The following DNAAF4 variants were observed in gnomAD, a reference collection of about 807,000 sequenced individuals.
DNAAF4 encodes dynein assembly factor 4, axonemal.
DNAAF4 carries 43 observed loss-of-function variants against 51.8 expected under a neutral mutation model. The ratio of observed to expected loss-of-function variants is 0.83; its 90% CI spans 0.65 to 1.07. The LOEUF (loss-of-function observed/expected upper bound fraction) is 1.07. DNAAF4 is among the 50% of genes least tolerant of loss of function. The pLI is 0.00. For synonymous variants in DNAAF4, 194 were observed against 165.6 expected (o/e 1.17, Z -1.32); for missense variants, 581 against 493.0 (o/e 1.18, Z -1.69).
At chr15:55,449,138 T>A (rs1270302438) in intron 6 of DNAAF4, among the ~76,000 whole-genome samples, 1 of 150,278 alleles carries the variant, frequency 6.7e-6, no homozygotes, top group Non-Finnish European at 1.5e-5. Flanking sequence ...TACAGGTGCC[T>A]GCCACCACAC....
chr15:55,443,137 C>T, intron 6 of DNAAF4: 2 of 1,610,636 alleles, frequency 1.2e-6, no homozygotes, highest in Non-Finnish European at 1.7e-6. Context: ...CAAACGTTTC[C>T]AGGAGCCGTC....
intron 4 of DNAAF4, among the ~76,000 whole-genome samples, chr15:55,475,895 C>T (rs1226494392): frequency 1.3e-5 from 2 of 152,038 alleles, no homozygotes; most frequent in Non-Finnish European, 2.9e-5. Flanking sequence ...AGGATAAGTG[C>T]TTAAGCAGTC....
In DNAAF4 at chr15:55,430,311, T is replaced by C. The variant is rs2057473966; in HGVS notation, c.*359A>G. 3 of 847,698 alleles carry C rather than the reference T, an allele frequency of 3.5e-6. No individual in the cohort carries two copies. Among genetic ancestry groups the C allele is most frequent in the Non-Finnish European group, 4.3e-6 (3 of 704,002 alleles). 52.5% of individuals were successfully genotyped at this position (847,698 alleles called of 1,614,324 possible). On this transcript the variant is annotated 3_prime_UTR_variant, in exon 10 of 10. Coordinates refer to ENST00000321149, the MANE Select transcript of DNAAF4 (RefSeq NM_130810.4). ...GGTATATTAATACAAACAAAAGTTATTTATAAATCTTTTATTTTAAAATTC... is the reference window on the plus strand; with the variant it reads ...GGTATATTAATACAAACAAAAGTTACTTATAAATCTTTTATTTTAAAATTC...
chr15:55,468,043 C>G (rs1595925599), intron 4 of DNAAF4, among the ~76,000 whole-genome samples: 1 of 152,158 alleles, frequency 6.6e-6, no homozygotes. Context: ...ATAGTAGCCA[C>G]TAGCCACAGG....
chr15:55,432,585 C>A lies in DNAAF4; in HGVS notation c.1065G>T (p.Met355Ile). 5 of 1,611,388 alleles carry A rather than the reference C, an allele frequency of 3.1e-6. No individual in the cohort carries two copies. The highest frequency in any genetic ancestry group is 4.2e-6 in the Non-Finnish European group (5 of 1,178,258). Residue 355 changes from methionine (M) to isoleucine (I), a missense_variant, in exon 9 of 10, where the codon ATG becomes ATT. Physicochemically the swap from Met to Ile is conservative, Grantham distance 10. Transcript: ENST00000321149. ...EDSSKALELL[M>I]PPVTDNANAR... ...CATTAGCATTGTCTGTAACAGGTGG[C>A]ATCAATAATTCCAGTGCCTTACAAA...
Position 55,497,872 on chromosome 15 carries a change from G to A in DNAAF4, c.124-13C>T, listed in dbSNP as rs1372952577. 6.3e-7 allele frequency: 1 copy of A among 1,581,946 alleles called. No individual in the cohort carries two copies. Among genetic ancestry groups the A allele is most frequent in the Non-Finnish European group, 8.6e-7 (1 of 1,165,998 alleles). Reference sequence around the variant, plus strand: ...GAGGAAAGTTGACCTATGCAGAAGGGTGAAAACAGAAACTAAGTTAGTTAC... The same window carrying A: ...GAGGAAAGTTGACCTATGCAGAAGGATGAAAACAGAAACTAAGTTAGTTAC... On this transcript the variant is annotated splice_polypyrimidine_tract_variant and intron_variant, in intron 2 of 9. Transcript: ENST00000321149.
chr15:55,475,128 G>A (rs193148304), intron 4 of DNAAF4, among the ~76,000 whole-genome samples: 97 of 152,214 alleles, frequency 6.4e-4, no homozygotes, highest in African/African-American at 2.2e-3. Flanking sequence ...ATGTTGATGC[G>A]CTGCAAATTT....
At chr15:55,480,329 G>C (rs570995722) in intron 4 of DNAAF4, among the ~76,000 whole-genome samples, 2 of 152,080 alleles carry the variant, frequency 1.3e-5, no homozygotes, top group East Asian at 3.9e-4. Context: ...ACTGGGGGTG[G>C]GATCCCCCGA....
chr15:55,485,319 T>TCCC lies in DNAAF4; in HGVS notation c.405+5803_405+5804insGGG, dbSNP rs2058472219. On this transcript the variant is annotated intron_variant, in intron 4 of 9. Transcript: ENST00000321149. Reference sequence around the variant, plus strand: ...TTTTAAATGCCAGAATCATGAAAGTTATTATCATAAAATAGAATAAAATGG... The same window carrying TCCC: ...TTTTAAATGCCAGAATCATGAAAGTTCCCATTATCATAAAATAGAATAAAATGG... 1.1e-4 allele frequency among the ~76,000 whole-genome samples: 16 copies of TCCC among 152,358 alleles called. 1 individual carries two copies. Among genetic ancestry groups the TCCC allele is most frequent in the Admixed American group, 7.2e-4 (11 of 15,306 alleles).
chr15:55,465,771 G>A (rs979812661), intron 5 of DNAAF4, among the ~76,000 whole-genome samples: 1 of 151,932 alleles, frequency 6.6e-6, no homozygotes, highest in Non-Finnish European at 1.5e-5. Flanking sequence ...TCTCCATATT[G>A]GTCAGACTGG....
intron 5 of DNAAF4, among the ~76,000 whole-genome samples, chr15:55,454,166 T>A (rs2057981700): frequency 6.6e-6 from 1 of 151,412 alleles, no homozygotes; most frequent in Non-Finnish European, 1.5e-5. Context: ...CTTGGTGTGG[T>A]GGTGCACATC....
chr15:55,443,299 G>T, intron 6 of DNAAF4: 1 of 1,401,460 alleles, frequency 7.1e-7, no homozygotes, highest in South Asian at 1.2e-5. Flanking sequence ...CCTGCCTACC[G>T]GTGGCGGCTG....
At chr15:55,469,697 A>G (rs1353361077) in intron 4 of DNAAF4, among the ~76,000 whole-genome samples, 4 of 151,432 alleles carry the variant, frequency 2.6e-5, no homozygotes, top group African/African-American at 4.8e-5. Flanking sequence ...TCACTGTGTT[A>G]GCCAGGATGG....
At chr15:55,420,342 C>CTG (rs906675085) in intron 7 of DNAAF4, among the ~76,000 whole-genome samples, 3 of 142,016 alleles carry the variant, frequency 2.1e-5, no homozygotes, top group African/African-American at 9.1e-5. Flanking sequence ...TTTGATTCTA[C>CTG]TACACACAGA....
At chr15:55,474,856 G>A (rs908894022) in intron 4 of DNAAF4, among the ~76,000 whole-genome samples, 15 of 151,930 alleles carry the variant, frequency 9.9e-5, no homozygotes, top group Non-Finnish European at 1.5e-4. Context: ...GGCGCACGCC[G>A]TAATCCCAGC....
intron 6 of DNAAF4, among the ~76,000 whole-genome samples, chr15:55,447,666 C>T (rs1054382816): frequency 6.7e-6 from 1 of 149,122 alleles, no homozygotes; most frequent in Non-Finnish European, 1.5e-5. Context: ...CAATCCCAAG[C>T]AGTCGGCAGG....
downstream of DNAAF4, among the ~76,000 whole-genome samples, chr15:55,428,254 T>C (rs577321405): frequency 6.6e-6 from 1 of 152,210 alleles, no homozygotes; most frequent in South Asian, 2.1e-4. Context: ...ATGCCCAGCA[T>C]AAACTATAAT....
chr15:55,464,056 T>G (rs867840493), intron 5 of DNAAF4, among the ~76,000 whole-genome samples: 9 of 152,160 alleles, frequency 5.9e-5, no homozygotes, highest in African/African-American at 1.9e-4. Flanking sequence ...GACTTCAAAC[T>G]ATACTACAAG....
chr15:55,478,827 T>C (rs1388146215), intron 4 of DNAAF4, among the ~76,000 whole-genome samples: 2 of 152,126 alleles, frequency 1.3e-5, no homozygotes, highest in South Asian at 2.1e-4. Context: ...CCAATATCGA[T>C]GCACACAGAA....
Sources: gnomAD v4.1 joint callset for allele counts (sites outside exome capture counted in the v4.1 genomes callset) on GRCh38, gnomAD v4.1.1 for gene constraint, MANE v1.5 for transcripts, NCBI Gene and HGNC (gene_info 2026-07-23, HGNC 2026-07-21) for gene names.